The following LRRIQ1 variants were observed in gnomAD, a reference collection of about 807,000 sequenced individuals.
LRRIQ1 encodes leucine-rich repeat- and IQ domain-containing protein 1.
Under a neutral mutation model 211.9 loss-of-function variants are expected in LRRIQ1, and 210 were observed. That is an observed-to-expected ratio of 0.99 (90% CI 0.89 to 1.11). The LOEUF (loss-of-function observed/expected upper bound fraction) is 1.11, where lower values mean the gene tolerates loss of function less well. Ranked by LOEUF, LRRIQ1 falls within the 50% of genes most tolerant of loss-of-function variation. LRRIQ1 has a pLI of 0.00. For synonymous variants in LRRIQ1, 699 were observed against 650.1 expected (o/e 1.08, Z -1.14); for missense variants, 2,136 against 1,939.5 (o/e 1.10, Z -1.90).
At chr12:85,243,343 A>ATTC (rs1247573115) in intron 26 of LRRIQ1, among the ~76,000 whole-genome samples, 1 of 142,648 alleles carries the variant, frequency 7.0e-6, no homozygotes, top group Admixed American at 7.0e-5. Context: ...TATTATTATT[A>ATTC]TTATTATTAT....
chr12:85,188,536 C>T (rs1892338812), intron 24 of LRRIQ1, among the ~76,000 whole-genome samples: 1 of 152,066 alleles, frequency 6.6e-6, no homozygotes, highest in South Asian at 2.1e-4. Context: ...AATAATGTAG[C>T]CCTCTAAAAT....
At chr12:85,162,859 T>G in intron 24 of LRRIQ1, 1 of 451,586 alleles carries the variant, frequency 2.2e-6, no homozygotes, top group East Asian at 7.0e-5. Context: ...TACCAGATTT[T>G]CTAATGTGCT....
intron 24 of LRRIQ1, among the ~76,000 whole-genome samples, chr12:85,171,356 G>C (rs1891407393): frequency 1.3e-5 from 2 of 152,108 alleles, no homozygotes; most frequent in African/African-American, 4.8e-5. Context: ...AGGATTTATG[G>C]TTGAATATTT....
intron 11 of LRRIQ1, among the ~76,000 whole-genome samples, chr12:85,085,275 C>T (rs1884706022): frequency 6.6e-6 from 1 of 152,168 alleles, no homozygotes; most frequent in Admixed American, 6.5e-5. Flanking sequence ...AGGAAACTTA[C>T]AATCATGGTT....
downstream of LRRIQ1, among the ~76,000 whole-genome samples, chr12:85,245,351 T>C (rs1895668662): frequency 6.6e-6 from 1 of 151,290 alleles, no homozygotes; most frequent in African/African-American, 2.4e-5. Flanking sequence ...AATAATATTA[T>C]ACTATCAGAA....
intron 24 of LRRIQ1, among the ~76,000 whole-genome samples, chr12:85,223,835 A>G (rs1017159759): frequency 2.6e-5 from 4 of 152,132 alleles, no homozygotes; most frequent in Admixed American, 6.6e-5. Flanking sequence ...GATATTTTAC[A>G]ATGTACAAAC....
At chr12:85,268,336 T>C (rs1348302356), downstream of LRRIQ1, among the ~76,000 whole-genome samples, 1 of 151,906 alleles carries the variant, frequency 6.6e-6, no homozygotes, top group Non-Finnish European at 1.5e-5. Context: ...TTTTTTCACA[T>C]GGCAAGTACA....
chr12:85,053,655 T>C (rs1239665182), intron 7 of LRRIQ1, among the ~76,000 whole-genome samples: 1 of 152,172 alleles, frequency 6.6e-6, no homozygotes, highest in African/African-American at 2.4e-5. Flanking sequence ...TCAAAAAACA[T>C]TTTTGGATGC....
At chr12:85,136,100 G>GT in intron 18 of LRRIQ1, among the ~76,000 whole-genome samples, 1 of 151,970 alleles carries the variant, frequency 6.6e-6, no homozygotes, top group Admixed American at 6.6e-5. Flanking sequence ...AGAAAATCTT[G>GT]TTTTTTACTG....
chr12:85,237,085 C>A (rs893234653), intron 26 of LRRIQ1, among the ~76,000 whole-genome samples: 1 of 151,704 alleles, frequency 6.6e-6, no homozygotes, highest in Non-Finnish European at 1.5e-5. Flanking sequence ...AAATTAATGA[C>A]CAAAATGTTA....
chr12:85,119,715 G>A (rs1806303916), intron 15 of LRRIQ1, among the ~76,000 whole-genome samples: 4 of 152,230 alleles, frequency 2.6e-5, no homozygotes, highest in South Asian at 2.1e-4. Context: ...TAATAGGTAC[G>A]TAGTGGTATC....
At chr12:85,249,261 T>G (rs1011441539), downstream of LRRIQ1, among the ~76,000 whole-genome samples, 7 of 151,802 alleles carry the variant, frequency 4.6e-5, no homozygotes, top group Non-Finnish European at 8.8e-5. Context: ...GATATTGAAG[T>G]TTATTTCAAG....
At chr12:85,259,397 T>C (rs1224152684) in intron 1 of LRRIQ1, among the ~76,000 whole-genome samples, 2 of 152,078 alleles carry the variant, frequency 1.3e-5, no homozygotes, top group East Asian at 3.9e-4. Flanking sequence ...TTTTCATTTC[T>C]GGAGTAATCA....
intron 19 of LRRIQ1, among the ~76,000 whole-genome samples, chr12:85,146,044 A>C (rs2136622805): frequency 6.6e-6 from 1 of 151,804 alleles, no homozygotes; most frequent in African/African-American, 2.4e-5. Flanking sequence ...CATGCAATTA[A>C]GGTTACTATC....
chr12:85,170,998 C>T (rs1351931032), intron 24 of LRRIQ1, among the ~76,000 whole-genome samples: 1 of 151,862 alleles, frequency 6.6e-6, no homozygotes, highest in Non-Finnish European at 1.5e-5. Context: ...ATATCTGGCA[C>T]ACAGTGAAAA....
intron 6 of LRRIQ1, among the ~76,000 whole-genome samples, chr12:85,049,821 T>C (rs1044813622): frequency 6.6e-6 from 1 of 152,218 alleles, no homozygotes; most frequent in East Asian, 1.9e-4. Flanking sequence ...CACAGGTTTC[T>C]TTCAGCTATT....
intron 24 of LRRIQ1, among the ~76,000 whole-genome samples, chr12:85,217,500 ATATATATATGTGTGTGTGTGTGTGTG>A (rs1894166288): frequency 8.6e-5 from 7 of 81,550 alleles, no homozygotes; most frequent in African/African-American, 5.4e-4. Context: ...ATGTATATAT[ATATATATATGTGTGTGTGTGTGTGTG>A]TGTGTGTGTG....
intron 19 of LRRIQ1, among the ~76,000 whole-genome samples, chr12:85,151,957 T>C (rs1057499685): frequency 1.3e-5 from 2 of 151,698 alleles, no homozygotes; most frequent in African/African-American, 4.8e-5. Context: ...AAAAAATGAC[T>C]TTACTCAGTT....
rs1222014618 is a variant in LRRIQ1 at position 85,229,575 on chromosome 12, T to G, written c.4881T>G (p.Asn1627Lys). 16 of 1,612,686 alleles carry G rather than the reference T, an allele frequency of 9.9e-6. No individual in the cohort carries two copies. The highest frequency in any genetic ancestry group is 1.3e-5 in the African/African-American group (1 of 74,820). Residue 1627 changes from asparagine (N) to lysine (K), a missense_variant, in exon 25 of 27, where the codon AAT (asparagine) becomes AAG (lysine). By Grantham distance (94) the Asn-to-Lys change is moderately conservative. Transcript: ENST00000393217. ...CTGCAAATGAAAAATTAGAACGGAA[T>G]AGAGAATATACATACCAATGGCTTC... is the stretch of plus-strand genomic sequence containing the variant. The part of the protein sequence containing the change: ...DTTANEKLER[N>K]REYTYQWLHT...
Sources: allele counts gnomAD v4.1 joint callset (sites outside exome capture counted in the v4.1 genomes callset), GRCh38; gene constraint gnomAD v4.1.1; transcripts MANE v1.5; gene names NCBI Gene and HGNC (gene_info 2026-07-23, HGNC 2026-07-21).